Variants in CSMD3 observed in about 807,000 individuals in gnomAD.
The protein encoded by CSMD3 is CUB and Sushi multiple domains 3.
In CSMD3, 177 loss-of-function variants were observed where a neutral mutation model predicts 435.2. The observed-to-expected ratio is 0.41, with a 90% CI of 0.36 to 0.46. The LOEUF (loss-of-function observed/expected upper bound fraction) is 0.46, where lower values mean the gene tolerates loss of function less well. Among genes scored for constraint, CSMD3 ranks in the 20% least tolerant of loss-of-function variants. The probability of loss-of-function intolerance (pLI) is 0.34; values close to 1 mark genes in which losing one functional copy is unlikely to be tolerated. For missense variants in CSMD3, 4,265 were observed against 4,504.6 expected, an observed-to-expected ratio of 0.95 and a Z score of 1.52; for synonymous variants, 1,656 against 1,520.5, an observed-to-expected ratio of 1.09 and a Z score of -2.07.
intron 9 of CSMD3, among the ~76,000 whole-genome samples, chr8:112,941,240 T>C (rs79373112): frequency 0.034 from 5,125 of 151,948 alleles, 148 homozygotes; most frequent in Middle Eastern, 0.051. Flanking sequence ...AAATCAGATA[T>C]ATTTGAAGCC....
chr8:112,647,567 A>G (rs1196189159), intron 19 of CSMD3, among the ~76,000 whole-genome samples: 1 of 152,042 alleles, frequency 6.6e-6, no homozygotes, highest in Non-Finnish European at 1.5e-5. Context: ...CTGCCTCCCA[A>G]AGTGCTGGGA....
At chr8:112,599,951 A>C (rs1832167412) in intron 22 of CSMD3, among the ~76,000 whole-genome samples, 1 of 150,020 alleles carries the variant, frequency 6.7e-6, no homozygotes, top group Admixed American at 6.6e-5. Context: ...GCGCACCAGC[A>C]TGGCACATGT....
At chr8:113,274,767 G>A in intron 3 of CSMD3, among the ~76,000 whole-genome samples, 1 of 148,938 alleles carries the variant, frequency 6.7e-6, no homozygotes, top group Non-Finnish European at 1.5e-5. Flanking sequence ...ACCTAATAAT[G>A]ATTTTTAAAG....
chr8:113,253,832 C>T (rs1432988640), intron 3 of CSMD3, among the ~76,000 whole-genome samples: 13 of 148,498 alleles, frequency 8.8e-5, no homozygotes, highest in Non-Finnish European at 1.6e-4. Flanking sequence ...AGTGAGACTC[C>T]GTCTGAAAAA....
intron 5 of CSMD3, among the ~76,000 whole-genome samples, chr8:113,026,532 T>C (rs1246729707): frequency 6.6e-6 from 1 of 152,230 alleles, no homozygotes; most frequent in Non-Finnish European, 1.5e-5. Flanking sequence ...ATAAGTTTTC[T>C]ATGTTTCCTA....
intron 29 of CSMD3, 23 bp from the exon 30 acceptor site, chr8:112,504,000 A>AAAAG: frequency 7.0e-7 from 1 of 1,438,142 alleles, no homozygotes; most frequent in South Asian, 1.2e-5. Flanking sequence ...AGGAAAGAAC[A>AAAAG]AAAGAAAGAA....
At chr8:112,709,012 C>G (rs1290208315) in intron 13 of CSMD3, among the ~76,000 whole-genome samples, 1 of 152,000 alleles carries the variant, frequency 6.6e-6, no homozygotes, top group African/African-American at 2.4e-5. Context: ...AAGTCTCTGC[C>G]AAAGACAAGT....
At chr8:113,348,503 G>A (rs1483443892) in intron 1 of CSMD3, among the ~76,000 whole-genome samples, 1 of 152,204 alleles carries the variant, frequency 6.6e-6, no homozygotes, top group South Asian at 2.1e-4. Context: ...AGGAAACCCA[G>A]CTTTGAGAAG....
At chr8:112,520,902 A>G (rs954779850) in intron 27 of CSMD3, among the ~76,000 whole-genome samples, 1 of 151,874 alleles carries the variant, frequency 6.6e-6, no homozygotes, top group African/African-American at 2.4e-5. Context: ...TCTCTTCTTA[A>G]CACCATCAAA....
intron 3 of CSMD3, among the ~76,000 whole-genome samples, chr8:113,231,411 T>C (rs1019217745): frequency 1.3e-5 from 2 of 151,478 alleles, no homozygotes; most frequent in East Asian, 1.9e-4. Flanking sequence ...TGCACTTTAC[T>C]AAAATGTAGG....
chr8:113,110,677 A>AT (rs1200906941), intron 4 of CSMD3, among the ~76,000 whole-genome samples: 1 of 152,130 alleles, frequency 6.6e-6, no homozygotes, highest in Non-Finnish European at 1.5e-5. Flanking sequence ...ATGAATGGAT[A>AT]TTCACAGTAA....
chr8:112,828,636 C>T (rs2079770490), intron 12 of CSMD3, among the ~76,000 whole-genome samples: 1 of 152,146 alleles, frequency 6.6e-6, no homozygotes, highest in South Asian at 2.1e-4. Flanking sequence ...AATCCAGTCT[C>T]AGGTAGTTCT....
chr8:113,264,405 T>C (rs959835464), intron 3 of CSMD3, among the ~76,000 whole-genome samples: 16 of 150,792 alleles, frequency 1.1e-4, no homozygotes, highest in African/African-American at 3.6e-4. Flanking sequence ...TATATTTATA[T>C]ATATATATAT....
intron 22 of CSMD3, among the ~76,000 whole-genome samples, chr8:112,635,510 C>A (rs1456526741): frequency 6.6e-6 from 1 of 151,496 alleles, no homozygotes. Flanking sequence ...AACAAAATGT[C>A]CTTAAAAAAA....
At chr8:112,788,991 C>CA (rs1317990157) in intron 13 of CSMD3, among the ~76,000 whole-genome samples, 2 of 152,088 alleles carry the variant, frequency 1.3e-5, no homozygotes, top group African/African-American at 4.8e-5. Context: ...GAAATGTTAT[C>CA]AAAAAATTCC....
chr8:112,826,485 T>A (rs781063136), intron 12 of CSMD3, among the ~76,000 whole-genome samples: 3 of 152,156 alleles, frequency 2.0e-5, no homozygotes, highest in Non-Finnish European at 4.4e-5. Context: ...TCATCCAATC[T>A]GTGGGTTGCA....
intron 1 of CSMD3, among the ~76,000 whole-genome samples, chr8:113,321,869 T>A (rs943811983): frequency 1.1e-4 from 16 of 152,268 alleles, no homozygotes; most frequent in African/African-American, 3.6e-4. Flanking sequence ...TACATACTCA[T>A]AAGAAGAACT....
chr8:112,503,130 G>A (rs1436433456), intron 30 of CSMD3, among the ~76,000 whole-genome samples: 1 of 152,114 alleles, frequency 6.6e-6, no homozygotes, highest in African/African-American at 2.4e-5. Flanking sequence ...CTCCCAGGCT[G>A]GCCTGCAGTG....
At chr8:112,296,243 T>C (rs1288028282) in intron 53 of CSMD3, among the ~76,000 whole-genome samples, 2 of 152,052 alleles carry the variant, frequency 1.3e-5, no homozygotes, top group Non-Finnish European at 2.9e-5. Context: ...AATTATAAAA[T>C]ATCTCAATGT....
Sources: allele counts gnomAD v4.1 joint callset (sites outside exome capture counted in the v4.1 genomes callset), GRCh38; gene constraint gnomAD v4.1.1; transcripts MANE v1.5; gene names NCBI Gene and HGNC (gene_info 2026-07-23, HGNC 2026-07-21).